Variants in SRGAP3 observed in about 807,000 individuals in gnomAD.
SRGAP3 encodes SLIT-ROBO Rho GTPase activating protein 3.
In SRGAP3, 39 loss-of-function variants were observed where a neutral mutation model predicts 121.1. The observed-to-expected ratio is 0.32, with a 90% CI of 0.25 to 0.42. The LOEUF is 0.42. SRGAP3 is among the 10% of genes least tolerant of loss of function. SRGAP3 has a pLI of 1.00. For missense variants in SRGAP3, 1,213 were observed against 1,470.6 expected (o/e 0.82, Z 2.86); for synonymous variants, 601 against 570.0 (o/e 1.05, Z -0.77).
At chr3:9,067,906 T>C (rs1177031729) in intron 4 of SRGAP3, among the ~76,000 whole-genome samples, 1 of 152,170 alleles carries the variant, frequency 6.6e-6, no homozygotes, top group African/African-American at 2.4e-5. Flanking sequence ...CTAGGAGTTT[T>C]AGGGAGATTA....
chr3:9,016,110 A>C (rs1943625327), intron 14 of SRGAP3: 1 of 277,916 alleles, frequency 3.6e-6, no homozygotes, highest in Admixed American at 4.9e-5. Context: ...CCTAAGAATA[A>C]GGATATTCTT....
chr3:9,100,548 A>T (rs1948176573), intron 3 of SRGAP3, among the ~76,000 whole-genome samples: 1 of 152,186 alleles, frequency 6.6e-6, no homozygotes, highest in Non-Finnish European at 1.5e-5. Flanking sequence ...AAAATCACTC[A>T]AATAAGGACA....
intron 3 of SRGAP3, among the ~76,000 whole-genome samples, chr3:9,260,163 G>A (rs1954223140): frequency 6.6e-6 from 1 of 152,152 alleles, no homozygotes; most frequent in Non-Finnish European, 1.5e-5. Flanking sequence ...CACCGACCAG[G>A]AGATTCCCTC....
intron 1 of SRGAP3, among the ~76,000 whole-genome samples, chr3:9,351,957 T>G (rs370024715): frequency 6.6e-6 from 1 of 151,384 alleles, no homozygotes; most frequent in Non-Finnish European, 1.5e-5. Context: ...CAAAGAAGAG[T>G]TCCTGGAAAC....
chr3:9,005,328 A>C (rs1375267864), intron 18 of SRGAP3, among the ~76,000 whole-genome samples: 1 of 152,208 alleles, frequency 6.6e-6, no homozygotes, highest in Non-Finnish European at 1.5e-5. Flanking sequence ...ACTGATGATG[A>C]TATTGCAAAA....
chr3:9,125,538 C>T (rs1390138121), intron 1 of SRGAP3, among the ~76,000 whole-genome samples: 1 of 152,206 alleles, frequency 6.6e-6, no homozygotes, highest in Non-Finnish European at 1.5e-5. Context: ...CATCTGTGTC[C>T]TGCTTTAAAT....
At position 8,992,975 on chromosome 3, in the gene SRGAP3, G is replaced by C. The variant is rs1942154163; in HGVS notation, c.2489C>G (p.Ser830Cys). 4 of 1,614,122 alleles carry C rather than the reference G, an allele frequency of 2.5e-6. No homozygotes were observed. Among genetic ancestry groups the C allele is most frequent in the African/African-American group, 1.3e-5 (1 of 74,934 alleles). Reference sequence around the variant, plus strand: ...GGGGGACTGGAGGTCGTTTTTGGAAGAGGCCTTGTCATCCAGCAATGGCCC... The same window carrying C: ...GGGGGACTGGAGGTCGTTTTTGGAACAGGCCTTGTCATCCAGCAATGGCCC... Reference protein sequence around the residue: ...SSGPLLDDKASSKNDLQSPTE... With the variant: ...SSGPLLDDKACSKNDLQSPTE... The change falls in exon 20 of 22, where the codon TCT (serine) becomes TGT (cysteine). Residue 830 changes from serine to cysteine, a missense_variant. Physicochemically the swap from Ser to Cys is moderately radical, Grantham distance 112. Coordinates refer to ENST00000383836, the MANE Select transcript of SRGAP3 (RefSeq NM_014850.4).
chr3:9,028,008 G>T, intron 12 of SRGAP3: 1 of 1,466,208 alleles, frequency 6.8e-7, no homozygotes, highest in Non-Finnish European at 9.6e-7. Flanking sequence ...GGACCCATCA[G>T]CAACAGGCAA....
At chr3:9,138,695 C>T (rs1470373450) in intron 1 of SRGAP3, among the ~76,000 whole-genome samples, 1 of 152,174 alleles carries the variant, frequency 6.6e-6, no homozygotes, top group Admixed American at 6.5e-5. Flanking sequence ...AAATCCCACA[C>T]GTGACCTCAC....
At chr3:9,310,296 A>T (rs1364304967) in intron 3 of SRGAP3, among the ~76,000 whole-genome samples, 1 of 152,040 alleles carries the variant, frequency 6.6e-6, no homozygotes, top group African/African-American at 2.4e-5. Context: ...AATCTAGTGG[A>T]TGCTTATTGG....
chr3:9,256,312 A>G (rs1057142528), intron 3 of SRGAP3, among the ~76,000 whole-genome samples: 4 of 152,326 alleles, frequency 2.6e-5, no homozygotes, highest in Non-Finnish European at 5.9e-5. Context: ...ATTCTGGAAG[A>G]ACAGAAGTAA....
intron 1 of SRGAP3, among the ~76,000 whole-genome samples, chr3:9,166,515 C>T (rs1950790619): frequency 1.3e-5 from 2 of 152,124 alleles, no homozygotes; most frequent in Non-Finnish European, 1.5e-5. Flanking sequence ...GTGGATGTGA[C>T]GGTGACCCAG....
chr3:9,157,476 C>A (rs577120993), intron 1 of SRGAP3, among the ~76,000 whole-genome samples: 2 of 152,312 alleles, frequency 1.3e-5, no homozygotes, highest in African/African-American at 4.8e-5. Context: ...AAGATAATAA[C>A]AATAACATGT....
Position 9,279,846 on chromosome 3 carries a change from G to A in SRGAP3, n.442+46164C>T, listed in dbSNP as rs554394401. ...CCTGATCGTGGCAAATGCAGAGGGT[G>A]CCAGGACAGGCAGTAAGGTGGCAGA... On this transcript the variant is annotated intron_variant and non_coding_transcript_variant, in intron 3 of 3. Coordinates refer to the SRGAP3 transcript ENST00000490889. Among the ~76,000 whole-genome samples the A allele has an allele frequency of 1.7e-4, 26 of 152,290 alleles. No homozygotes were observed. The South Asian group carries it at 4.8e-3, about 28-fold the overall frequency.
chr3:9,187,317 G>A (rs1951626584), intron 1 of SRGAP3, among the ~76,000 whole-genome samples: 1 of 152,142 alleles, frequency 6.6e-6, no homozygotes, highest in South Asian at 2.1e-4. Context: ...CAGAGAGGGG[G>A]TACAGTCAGT....
At chr3:9,073,311 T>C (rs536544967) in intron 4 of SRGAP3, among the ~76,000 whole-genome samples, 1 of 152,206 alleles carries the variant, frequency 6.6e-6, no homozygotes, top group East Asian at 1.9e-4. Context: ...GCCTTGCTAA[T>C]TTTTTGTATT....
chr3:9,341,279 C>T (rs2600177), intron 1 of SRGAP3, among the ~76,000 whole-genome samples: 112,740 of 148,086 alleles, frequency 0.76, 42,149 homozygotes, highest in East Asian at 0.93. Context: ...GATGTGGACA[C>T]TGAAGGTTCC....
At chr3:9,071,418 A>G (rs1403872369) in intron 4 of SRGAP3, among the ~76,000 whole-genome samples, 1 of 152,184 alleles carries the variant, frequency 6.6e-6, no homozygotes, top group Non-Finnish European at 1.5e-5. Context: ...TCATCTGGCC[A>G]TAGGAAGCTC....
chr3:9,089,292 C>CAGGGGG (rs1454606493), intron 3 of SRGAP3, among the ~76,000 whole-genome samples: 1 of 8,334 alleles, frequency 1.2e-4, no homozygotes, highest in Non-Finnish European at 5.1e-4. Context: ...GTGGGGTGGG[C>CAGGGGG]GGGGGGGGGG....
Sources: gnomAD v4.1 joint callset for allele counts (sites outside exome capture counted in the v4.1 genomes callset) on GRCh38, gnomAD v4.1.1 for gene constraint, MANE v1.5 for transcripts, NCBI Gene and HGNC (gene_info 2026-07-23, HGNC 2026-07-21) for gene names.